Variants in RAB8B observed in about 807,000 individuals in gnomAD.
The protein encoded by RAB8B is RAB8B, member RAS oncogene family.
RAB8B carries 11 observed loss-of-function variants against 32.0 expected under a neutral mutation model. That is an observed-to-expected ratio of 0.34 (90% confidence interval 0.22 to 0.57). The LOEUF is 0.57. Ranked by LOEUF, RAB8B falls within the 20% of genes least tolerant of loss-of-function variation. The pLI is 0.86. For synonymous variants in RAB8B, 103 were observed against 89.6 expected (o/e 1.15, Z -0.85); for missense variants, 190 against 258.5 (o/e 0.73, Z 1.82).
intron 2 of RAB8B, among the ~76,000 whole-genome samples, chr15:63,249,085 C>G (rs568651736): frequency 1.3e-5 from 2 of 152,226 alleles, no homozygotes; most frequent in South Asian, 4.1e-4. Context: ...AAAACGTTGT[C>G]AAGATTTATG....
At chr15:63,191,095 A>G (rs1440961460) in intron 1 of RAB8B, among the ~76,000 whole-genome samples, 1 of 152,188 alleles carries the variant, frequency 6.6e-6, no homozygotes, top group East Asian at 1.9e-4. Flanking sequence ...TTGCAGGTTA[A>G]TTAAGTACCT....
At chr15:63,242,981 A>G (rs1406543133) in intron 1 of RAB8B, among the ~76,000 whole-genome samples, 1 of 152,196 alleles carries the variant, frequency 6.6e-6, no homozygotes, top group Non-Finnish European at 1.5e-5. Context: ...ACAACTCACC[A>G]ATGTAGAATC....
At chr15:63,193,369 C>G (rs1340646811) in intron 1 of RAB8B, among the ~76,000 whole-genome samples, 1 of 152,152 alleles carries the variant, frequency 6.6e-6, no homozygotes, top group Non-Finnish European at 1.5e-5. Context: ...TCTAGTATAT[C>G]TGTCAATAGT....
chr15:63,245,535 AT>A (rs1266226486), intron 2 of RAB8B, among the ~76,000 whole-genome samples: 1 of 151,828 alleles, frequency 6.6e-6, no homozygotes, highest in Non-Finnish European at 1.5e-5. Context: ...CTTTTTTTTA[AT>A]TCTTTTTTTA....
chr15:63,203,776 A>G (rs566314681), intron 1 of RAB8B, among the ~76,000 whole-genome samples: 1 of 152,210 alleles, frequency 6.6e-6, no homozygotes, highest in South Asian at 2.1e-4. Flanking sequence ...TTTCAAGGTC[A>G]TATAGCTAGT....
In RAB8B at chr15:63,207,503, T is replaced by C. The variant is rs117578695; in HGVS notation, c.124+17755T>C. On this transcript the variant is annotated intron_variant, in intron 1 of 7. Coordinates refer to ENST00000321437, the MANE Select transcript of RAB8B (RefSeq NM_016530.3). ...TTTTTAACCCATATTTTTTTTCAGG[T>C]ATTTAGGCTCAAAACCTGGAAGTCA... is the stretch of plus-strand genomic sequence containing the variant. 6.6e-5 allele frequency among the ~76,000 whole-genome samples: 10 copies of C among 152,170 alleles called. No individual in the cohort carries two copies. The East Asian group carries it at 1.4e-3, about 21-fold the overall frequency.
chr15:63,260,400 C>T (rs909671229), intron 6 of RAB8B, among the ~76,000 whole-genome samples: 17 of 152,162 alleles, frequency 1.1e-4, no homozygotes, highest in Admixed American at 1.1e-3. Flanking sequence ...GTTTATTGGA[C>T]ACATTCCTTT....
At chr15:63,241,812 C>T (rs973119051) in intron 1 of RAB8B, among the ~76,000 whole-genome samples, 3 of 151,998 alleles carry the variant, frequency 2.0e-5, no homozygotes, top group Admixed American at 6.6e-5. Flanking sequence ...CTTTGTTACA[C>T]TGGATTTGGT....
chr15:63,194,513 G>A (rs1041559310), intron 1 of RAB8B, among the ~76,000 whole-genome samples: 2 of 152,204 alleles, frequency 1.3e-5, no homozygotes, highest in Admixed American at 6.5e-5. Context: ...ATAACTCAGC[G>A]CATAGCTGTC....
chr15:63,260,373 G>A (rs2038192846), intron 6 of RAB8B, among the ~76,000 whole-genome samples: 1 of 152,162 alleles, frequency 6.6e-6, no homozygotes, highest in Non-Finnish European at 1.5e-5. Context: ...CTCTCTCAAG[G>A]GAGAATTAAG....
intron 3 of RAB8B, among the ~76,000 whole-genome samples, chr15:63,254,649 A>C (rs1056800964): frequency 2.0e-5 from 3 of 152,130 alleles, no homozygotes; most frequent in African/African-American, 7.2e-5. Flanking sequence ...GCGGTGGCTC[A>C]CACCTGTAAT....
intron 1 of RAB8B, among the ~76,000 whole-genome samples, chr15:63,216,232 TTA>T (rs1168031354): frequency 0.036 from 5,038 of 141,506 alleles, 143 homozygotes; most frequent in East Asian, 0.16. Context: ...TAATTAATTA[TTA>T]TTTTTTTTTT....
chr15:63,193,276 T>C (rs1315386991), intron 1 of RAB8B, among the ~76,000 whole-genome samples: 9 of 152,158 alleles, frequency 5.9e-5, no homozygotes, highest in Non-Finnish European at 8.8e-5. Flanking sequence ...TCTTCTCTGA[T>C]ATCTCAGGTC....
chr15:63,223,300 C>T (rs779127034), intron 1 of RAB8B, among the ~76,000 whole-genome samples: 2 of 151,714 alleles, frequency 1.3e-5, no homozygotes, highest in African/African-American at 2.4e-5. Context: ...TTAGTAGAGA[C>T]GGGGTTTCAC....
At chr15:63,201,596 A>G (rs1003707868) in intron 1 of RAB8B, among the ~76,000 whole-genome samples, 3 of 152,208 alleles carry the variant, frequency 2.0e-5, no homozygotes, top group South Asian at 2.1e-4. Context: ...AGGATCATAT[A>G]TGGGGAGGCC....
At chr15:63,227,293 T>C (rs755995976) in intron 1 of RAB8B, among the ~76,000 whole-genome samples, 2 of 151,516 alleles carry the variant, frequency 1.3e-5, no homozygotes, top group Non-Finnish European at 3.0e-5. Context: ...CTAATGACAA[T>C]GAGGACCAAA....
chr15:63,230,458 C>T (rs2037926729), intron 1 of RAB8B, among the ~76,000 whole-genome samples: 2 of 152,114 alleles, frequency 1.3e-5, no homozygotes, highest in Non-Finnish European at 2.9e-5. Flanking sequence ...CCCACCACCA[C>T]ACCTGGCTAA....
intron 5 of RAB8B, among the ~76,000 whole-genome samples, chr15:63,257,547 G>A (rs2038167779): frequency 6.6e-6 from 1 of 152,096 alleles, no homozygotes; most frequent in African/African-American, 2.4e-5. Flanking sequence ...GATTACAGGT[G>A]TGAGGCACCA....
Position 63,189,613 on chromosome 15 carries a change from C to G in RAB8B, c.-12C>G, listed in dbSNP as rs767460629. 64 of 1,613,030 alleles carry G rather than the reference C, an allele frequency of 4.0e-5. No individual in the cohort carries two copies. Among genetic ancestry groups the G allele is most frequent in the Non-Finnish European group, 5.3e-5 (63 of 1,179,620 alleles). Reference sequence around the variant, plus strand: ...TCCTCTGGCTCCCCGGTCAGAGGGCCGGAGCGAGAAGATGGCGAAGACGTA... The same window carrying G: ...TCCTCTGGCTCCCCGGTCAGAGGGCGGGAGCGAGAAGATGGCGAAGACGTA... On this transcript the variant is annotated 5_prime_UTR_variant, in exon 1 of 8. Transcript: ENST00000321437.
Sources: allele counts gnomAD v4.1 joint callset (sites outside exome capture counted in the v4.1 genomes callset), GRCh38; gene constraint gnomAD v4.1.1; transcripts MANE v1.5; gene names NCBI Gene and HGNC (gene_info 2026-07-23, HGNC 2026-07-21).